CADPS2: variants seen among roughly 807,000 people sequenced by gnomAD.
The protein encoded by CADPS2 is calcium dependent secretion activator 2.
Under a neutral mutation model 172.5 loss-of-function variants are expected in CADPS2, and 93 were observed. The observed-to-expected ratio is 0.54, with a 90% confidence interval of 0.46 to 0.64. The LOEUF is 0.64. Among genes scored for constraint, CADPS2 ranks in the 30% least tolerant of loss-of-function variants. The probability of loss-of-function intolerance (pLI) is 0.00; values close to 1 mark genes in which losing one functional copy is unlikely to be tolerated. For synonymous variants in CADPS2, 546 were observed against 555.2 expected (o/e 0.98, Z 0.23); for missense variants, 1,420 against 1,565.9 (o/e 0.91, Z 1.57).
chr7:122,612,674 A>G (rs555813572), intron 6 of CADPS2, among the ~76,000 whole-genome samples: 5 of 152,068 alleles, frequency 3.3e-5, no homozygotes, highest in African/African-American at 4.8e-5. Context: ...ATCTTTGCAT[A>G]ATCTTTACAA....
intron 8 of CADPS2, among the ~76,000 whole-genome samples, chr7:122,550,359 A>C (rs1314876860): frequency 2.0e-5 from 3 of 152,202 alleles, no homozygotes; most frequent in Non-Finnish European, 1.5e-5. Context: ...GAGAAATATG[A>C]GATTCATCTC....
rs1167396324 is a variant in CADPS2, at chr7:122,885,987, C to T, written c.339+12G>A. The T allele has an allele frequency of 7.5e-6, 12 of 1,597,580 alleles. No homozygotes were observed. Among genetic ancestry groups the T allele is most frequent in the Non-Finnish European group, 1.0e-5 (12 of 1,172,584 alleles). ...GAAGTGGTGGTAGGAGGCGCCCGGT[C>T]CCGCAACTCACCTTCTGCTGCCTCC... On this transcript the variant is annotated intron_variant, in intron 1 of 29. Coordinates refer to ENST00000449022, the MANE Select transcript of CADPS2 (RefSeq NM_017954.11).
At chr7:122,846,327 T>A (rs1811975549) in intron 1 of CADPS2, among the ~76,000 whole-genome samples, 1 of 152,188 alleles carries the variant, frequency 6.6e-6, no homozygotes, top group African/African-American at 2.4e-5. Flanking sequence ...GCAAAAGGTA[T>A]AAATCTCTGA....
intron 2 of CADPS2, among the ~76,000 whole-genome samples, chr7:122,732,760 A>G (rs943978452): frequency 1.3e-4 from 19 of 143,840 alleles, no homozygotes; most frequent in African/African-American, 4.3e-4. Context: ...CTTCAAGCCA[A>G]TCCTTCAACA....
intron 27 of CADPS2, among the ~76,000 whole-genome samples, chr7:122,359,695 ATT>A (rs200103936): frequency 6.6e-6 from 1 of 152,018 alleles, no homozygotes; most frequent in South Asian, 2.1e-4. Flanking sequence ...TACATATGTG[ATT>A]TTTTTCTACT....
At chr7:122,703,168 G>C (rs1156232030) in intron 2 of CADPS2, among the ~76,000 whole-genome samples, 1 of 152,088 alleles carries the variant, frequency 6.6e-6, no homozygotes, top group Non-Finnish European at 1.5e-5. Flanking sequence ...TTAAAGCCTT[G>C]GGTTTCTTCC....
chr7:122,759,368 G>A (rs1374057032), intron 1 of CADPS2, among the ~76,000 whole-genome samples: 3 of 152,166 alleles, frequency 2.0e-5, no homozygotes, highest in Non-Finnish European at 4.4e-5. Context: ...AAGACAAGGG[G>A]TGGATTGAAA....
chr7:122,471,800 C>A (rs1465740657), intron 13 of CADPS2, among the ~76,000 whole-genome samples: 1 of 152,010 alleles, frequency 6.6e-6, no homozygotes, highest in African/African-American at 2.4e-5. Flanking sequence ...GTAACTTGTG[C>A]CTCTCCAATG....
intron 2 of CADPS2, among the ~76,000 whole-genome samples, chr7:122,669,614 T>G (rs2135519619): frequency 6.6e-6 from 1 of 151,772 alleles, no homozygotes; most frequent in East Asian, 2.0e-4. Flanking sequence ...GAAGACCCGT[T>G]CTCTTGGCCC....
At position 122,867,131 on chromosome 7, in the gene CADPS2, GA is replaced by G. The variant is rs1818519892; in HGVS notation, c.339+18867del. On this transcript the variant is annotated intron_variant, in intron 1 of 29. Coordinates refer to ENST00000449022, the MANE Select transcript of CADPS2 (RefSeq NM_017954.11). ...CCTGCTTCTACAAGAGGCTTGCCCT[GA>G]CCACCCTATCTAAAATAACCACTGA... 1.3e-5 allele frequency among the ~76,000 whole-genome samples: 2 copies of G among 152,030 alleles called. 1 individual carries two copies. The highest frequency in any genetic ancestry group is 4.1e-4 in the South Asian group (2 of 4,820).
intron 9 of CADPS2, among the ~76,000 whole-genome samples, chr7:122,506,139 C>A (rs895889913): frequency 6.6e-6 from 1 of 152,178 alleles, no homozygotes; most frequent in African/African-American, 2.4e-5. Context: ...TGCCTCGTCA[C>A]CACTTGCCAG....
At chr7:122,353,007 G>A (rs768475605) in intron 27 of CADPS2, among the ~76,000 whole-genome samples, 7 of 152,154 alleles carry the variant, frequency 4.6e-5, no homozygotes, top group Non-Finnish European at 8.8e-5. Context: ...TATTGCAACA[G>A]TGCTTTACAA....
intron 2 of CADPS2, among the ~76,000 whole-genome samples, chr7:122,669,723 T>C (rs2081587169): frequency 1.3e-5 from 2 of 152,020 alleles, no homozygotes; most frequent in Non-Finnish European, 2.9e-5. Flanking sequence ...ACATCACACA[T>C]ACTCTGAAGG....
At chr7:122,556,661 T>C (rs752100513) in intron 7 of CADPS2, among the ~76,000 whole-genome samples, 3 of 152,158 alleles carry the variant, frequency 2.0e-5, no homozygotes, top group Non-Finnish European at 4.4e-5. Context: ...CCATTTTTTC[T>C]GCCACATTTT....
At chr7:122,635,928 C>G (rs1371238623) in intron 3 of CADPS2, among the ~76,000 whole-genome samples, 1 of 2,970 alleles carries the variant, frequency 3.4e-4, no homozygotes, top group East Asian at 0.033. Flanking sequence ...GCAGCTCCCA[C>G]ATTTTTTTTT....
chr7:122,650,255 T>A (rs188110904), intron 3 of CADPS2, among the ~76,000 whole-genome samples: 15 of 151,974 alleles, frequency 9.9e-5, no homozygotes, highest in African/African-American at 3.1e-4. Flanking sequence ...ATATCAAATA[T>A]ATAATTTTAA....
intron 2 of CADPS2, among the ~76,000 whole-genome samples, chr7:122,695,174 G>A (rs1401690114): frequency 1.3e-5 from 2 of 152,218 alleles, no homozygotes; most frequent in Non-Finnish European, 2.9e-5. Context: ...TATAGATGGA[G>A]TGAGTCATTT....
intron 9 of CADPS2, among the ~76,000 whole-genome samples, chr7:122,509,360 A>G (rs1444974994): frequency 1.3e-5 from 2 of 152,168 alleles, no homozygotes; most frequent in Non-Finnish European, 2.9e-5. Context: ...TGTAATTAAC[A>G]TTATGTCTTG....
chr7:122,725,387 G>A (rs550656179), intron 2 of CADPS2, among the ~76,000 whole-genome samples: 14 of 151,828 alleles, frequency 9.2e-5, no homozygotes, highest in African/African-American at 2.9e-4. Flanking sequence ...GTGTGTATAT[G>A]TGGATGGATG....
Sources: gnomAD v4.1 joint callset for allele counts (sites outside exome capture counted in the v4.1 genomes callset) on GRCh38, gnomAD v4.1.1 for gene constraint, MANE v1.5 for transcripts, NCBI Gene and HGNC (gene_info 2026-07-23, HGNC 2026-07-21) for gene names.